Variants in PEAK1 observed in about 807,000 individuals in gnomAD.
PEAK1 encodes inactive tyrosine-protein kinase PEAK1.
PEAK1 carries 54 observed loss-of-function variants against 124.7 expected under a neutral mutation model. That is an observed-to-expected ratio of 0.43 (90% CI 0.35 to 0.54). PEAK1 has a LOEUF of 0.54. Ranked by LOEUF, PEAK1 falls within the 20% of genes least tolerant of loss-of-function variation. The pLI is 0.01. For synonymous variants in PEAK1, 719 were observed against 760.0 expected, an observed-to-expected ratio of 0.95 and a Z score of 0.89; for missense variants, 2,046 against 2,134.5, an observed-to-expected ratio of 0.96 and a Z score of 0.82.
chr15:77,419,374 A>T, intron 1 of PEAK1: 1 of 985,222 alleles, frequency 1.0e-6, no homozygotes, highest in East Asian at 1.1e-4. Context: ...GCAAGAACGG[A>T]TGGGTCAAAG....
intron 6 of PEAK1, among the ~76,000 whole-genome samples, chr15:77,189,166 A>C (rs2057702916): frequency 6.6e-6 from 1 of 152,168 alleles, no homozygotes; most frequent in African/African-American, 2.4e-5. Context: ...GCGCCACTGC[A>C]CTCCAGCCTA....
intron 3 of PEAK1, 42 bp from the exon 4 acceptor site, chr15:77,285,097 A>AG (rs60477606): frequency 6.7e-5 from 10 of 148,904 alleles, no homozygotes; most frequent in African/African-American, 2.2e-4. Flanking sequence ...AAAAAAAAAA[A>AG]GTAAGTCAAT....
Position 77,260,175 on chromosome 15 carries a change from C to A in PEAK1, c.-274-7649G>T, listed in dbSNP as rs556502954. Among the ~76,000 whole-genome samples, 14 of 152,200 alleles carry A rather than the reference C, an allele frequency of 9.2e-5. No individual in the cohort carries two copies. In the East Asian group the frequency reaches 1.4e-3, roughly 15 times the overall value. On this transcript the variant is annotated intron_variant, in intron 5 of 9. Transcript: ENST00000682557. ...AGCAGGGTCCCCAGAAGGGACAAAT[C>A]ACTGAGTGAGGGGCCCTAGAATAAA...
intron 9 of PEAK1, among the ~76,000 whole-genome samples, chr15:77,127,460 A>G (rs2052476626): frequency 6.6e-6 from 1 of 152,170 alleles, no homozygotes; most frequent in Non-Finnish European, 1.5e-5. Context: ...AGCCCAGATA[A>G]CCATGAACAG....
intron 6 of PEAK1, among the ~76,000 whole-genome samples, chr15:77,186,160 G>C (rs1411773986): frequency 6.6e-6 from 1 of 152,064 alleles, no homozygotes; most frequent in East Asian, 1.9e-4. Flanking sequence ...CAGTCACCAA[G>C]AATTTAAATT....
At chr15:77,410,975 A>C (rs2072359780) in intron 1 of PEAK1, among the ~76,000 whole-genome samples, 1 of 152,194 alleles carries the variant, frequency 6.6e-6, no homozygotes, top group Non-Finnish European at 1.5e-5. Flanking sequence ...TGGCAATGAA[A>C]GCCTACCTAT....
intron 2 of PEAK1, among the ~76,000 whole-genome samples, chr15:77,313,648 A>ATGTGTGTGTGTGTGTGTG (rs1220086755): frequency 8.9e-4 from 78 of 87,586 alleles, no homozygotes; most frequent in Non-Finnish European, 1.4e-3. Flanking sequence ...GTATGTATGT[A>ATGTGTGTGTGTGTGTGTG]TGTATGTGTG....
chr15:77,309,034 G>A (rs2064271312), intron 2 of PEAK1, among the ~76,000 whole-genome samples: 1 of 152,034 alleles, frequency 6.6e-6, no homozygotes, highest in Non-Finnish European at 1.5e-5. Flanking sequence ...TCAGGTAAAA[G>A]GAGGAGCATA....
At chr15:77,232,050 T>C (rs1205884811) in intron 6 of PEAK1, among the ~76,000 whole-genome samples, 3 of 152,210 alleles carry the variant, frequency 2.0e-5, no homozygotes, top group East Asian at 3.8e-4. Context: ...ACAGGAATCA[T>C]ACTCACCTGA....
chr15:77,204,203 C>A (rs576193344), intron 6 of PEAK1, among the ~76,000 whole-genome samples: 1 of 152,278 alleles, frequency 6.6e-6, no homozygotes, highest in South Asian at 2.1e-4. Context: ...TAAGGTACCA[C>A]TACACACCTA....
intron 6 of PEAK1, among the ~76,000 whole-genome samples, chr15:77,202,216 G>A (rs944733898): frequency 2.6e-5 from 4 of 152,002 alleles, no homozygotes; most frequent in South Asian, 2.1e-4. Flanking sequence ...GCTCAATTGC[G>A]CACCTTGCAA....
At chr15:77,323,986 T>C (rs1314134048) in intron 2 of PEAK1, among the ~76,000 whole-genome samples, 1 of 152,150 alleles carries the variant, frequency 6.6e-6, no homozygotes, top group African/African-American at 2.4e-5. Flanking sequence ...GCCACATATC[T>C]ACAACCATCC....
intron 1 of PEAK1, among the ~76,000 whole-genome samples, chr15:77,378,417 G>T (rs1198731638): frequency 6.6e-6 from 1 of 152,012 alleles, no homozygotes; most frequent in Non-Finnish European, 1.5e-5. Flanking sequence ...TTCTTACAGA[G>T]TACGGAATTC....
intron 5 of PEAK1, among the ~76,000 whole-genome samples, chr15:77,270,163 G>A (rs2061955718): frequency 6.6e-6 from 1 of 152,138 alleles, no homozygotes; most frequent in Admixed American, 6.6e-5. Context: ...CAAACCCACA[G>A]CCAATATCAT....
intron 2 of PEAK1, among the ~76,000 whole-genome samples, chr15:77,323,284 G>A (rs1172709295): frequency 5.3e-5 from 8 of 151,852 alleles, no homozygotes; most frequent in Non-Finnish European, 1.0e-4. Flanking sequence ...TCTGGCCAGG[G>A]CAATCAGGCA....
chr15:77,256,463 T>C (rs1031633598), intron 5 of PEAK1, among the ~76,000 whole-genome samples: 4 of 152,014 alleles, frequency 2.6e-5, no homozygotes, highest in African/African-American at 7.2e-5. Flanking sequence ...AGGAATCTGA[T>C]AGCTTACTGA....
Position 77,181,566 on chromosome 15 carries a change from C to G in PEAK1, c.361G>C (p.Glu121Gln). The change falls in exon 7 of 10, where the codon GAA becomes CAA. Residue 121 changes from glutamate (E) to glutamine (Q), a missense_variant. Physicochemically the swap from Glu to Gln is conservative, Grantham distance 29. Transcript: ENST00000682557. ...LSQKPLNNNN[E>Q]DDEGISHVPK... ...ACATGGCTAATTCCTTCATCATCTT[C>G]ATTATTATTGTTAAGTGGTTTCTGA... The G allele has an allele frequency of 1.2e-6, 2 of 1,614,098 alleles. No individual in the cohort carries two copies. The highest frequency in any genetic ancestry group is 1.7e-6 in the Non-Finnish European group (2 of 1,180,010).
chr15:77,180,496 G>C lies in PEAK1; in HGVS notation c.1431C>G (p.Val477=). The C allele has an allele frequency of 6.2e-7, 1 of 1,614,092 alleles. No individual in the cohort carries two copies. The highest frequency in any genetic ancestry group is 8.5e-7 in the Non-Finnish European group (1 of 1,180,006). Reference sequence around the variant, plus strand: ...TGGCCATGGCTGCTGACACATCCACGACAGTATATGGCTTGCACAATGGCT... The same window carrying C: ...TGGCCATGGCTGCTGACACATCCACCACAGTATATGGCTTGCACAATGGCT... ...LEQPLCKPYT[V]VDVSAAMASE... is the part of the protein sequence containing the mutation. Residue 477 remains valine, a synonymous_variant, in exon 7 of 10, where the codon GTC becomes GTG. Coordinates refer to ENST00000682557, the MANE Select transcript of PEAK1 (RefSeq NM_001385026.1).
chr15:77,321,577 T>C lies in PEAK1; in HGVS notation c.-602-35073A>G, dbSNP rs532915852. On this transcript the variant is annotated intron_variant, in intron 2 of 9. Transcript: ENST00000682557. ...ATTAGCCCTTTGTCAGATGAGTAGATTGCAAAAATTTTCTCCCATTCTGTA... is the reference window on the plus strand; with the variant it reads ...ATTAGCCCTTTGTCAGATGAGTAGACTGCAAAAATTTTCTCCCATTCTGTA... Among the ~76,000 whole-genome samples the C allele has an allele frequency of 2.0e-5, 3 of 152,330 alleles. No homozygotes were observed. The East Asian group carries it at 5.8e-4, about 29-fold the overall frequency.
Sources: allele counts gnomAD v4.1 joint callset (sites outside exome capture counted in the v4.1 genomes callset), GRCh38; gene constraint gnomAD v4.1.1; transcripts MANE v1.5; gene names NCBI Gene and HGNC (gene_info 2026-07-23, HGNC 2026-07-21).